The following TEX9 variants were observed in gnomAD, a reference collection of about 807,000 sequenced individuals.
TEX9 encodes testis-expressed protein 9.
TEX9 carries 74 observed loss-of-function variants against 59.6 expected under a neutral mutation model. The ratio of observed to expected loss-of-function variants is 1.24; its 90% CI spans 1.03 to 1.51. The LOEUF (loss-of-function observed/expected upper bound fraction) is 1.51. Among genes scored for constraint, TEX9 ranks in the 40% most tolerant of loss-of-function variants. The pLI is 0.00. For synonymous variants in TEX9, 186 were observed against 152.2 expected, an observed-to-expected ratio of 1.22 and a Z score of -1.64; for missense variants, 522 against 447.8, an observed-to-expected ratio of 1.17 and a Z score of -1.49.
intron 1 of TEX9, among the ~76,000 whole-genome samples, chr15:56,289,312 T>G (rs1179088128): frequency 6.6e-6 from 1 of 152,218 alleles, no homozygotes; most frequent in African/African-American, 2.4e-5. Flanking sequence ...CTTATTGTTT[T>G]ATGTTGATGT....
intron 12 of TEX9, among the ~76,000 whole-genome samples, chr15:56,435,617 C>G (rs570968341): frequency 1.3e-5 from 2 of 151,900 alleles, no homozygotes; most frequent in South Asian, 4.2e-4. Context: ...CCAAAACTCA[C>G]CAAATATGAA....
intron 10 of TEX9, among the ~76,000 whole-genome samples, chr15:56,426,257 C>CT (rs2050236632): frequency 6.6e-6 from 1 of 152,178 alleles, no homozygotes; most frequent in Non-Finnish European, 1.5e-5. Context: ...CAAGTCTACT[C>CT]TTTTCCCTCC....
At position 56,380,925 on chromosome 15, in the gene TEX9, G is replaced by A. The variant is rs567991215; in HGVS notation, c.184-3027G>A. ...CTTTTTTGGGTTAAATCTGCTTGGT[G>A]TTCTATAGTCTTCTTTTACTTGAAC... On this transcript the variant is annotated intron_variant, in intron 3 of 12. Coordinates refer to ENST00000352903, the Ensembl canonical transcript of TEX9. Among the ~76,000 whole-genome samples, 33 of 152,240 alleles carry A rather than the reference G, an allele frequency of 2.2e-4. No homozygotes were observed. The East Asian group carries it at 2.3e-3, about 11-fold the overall frequency.
chr15:56,269,941 C>T (rs1443708255), intron 1 of TEX9, among the ~76,000 whole-genome samples: 1 of 152,172 alleles, frequency 6.6e-6, no homozygotes, highest in East Asian at 1.9e-4. Flanking sequence ...CAGGCGTGAG[C>T]CACCGCGCCC....
chr15:56,408,343 AT>A (rs2049178215), intron 9 of TEX9: 1 of 152,184 alleles, frequency 6.6e-6, no homozygotes, highest in Admixed American at 6.5e-5. Context: ...GAAATAGTTG[AT>A]TACTCCTTCC....
intron 9 of TEX9, among the ~76,000 whole-genome samples, chr15:56,399,325 C>T (rs1161585990): frequency 1.6e-4 from 24 of 152,198 alleles, no homozygotes; most frequent in Admixed American, 1.1e-3. Context: ...CCTGGCTTGG[C>T]GGGTCACACA....
chr15:56,368,752 C>T (rs1305457369), intron 2 of TEX9, among the ~76,000 whole-genome samples: 1 of 152,096 alleles, frequency 6.6e-6, no homozygotes, highest in African/African-American at 2.4e-5. Context: ...ACCATGTACA[C>T]CCCTCCTTTT....
rs189739621 is a variant in TEX9 at position 56,388,538 on chromosome 15, C to G, written c.312+18C>G. ...AAACTAAGGTATGAAATCAAACTTT[C>G]TGTGAATGCAATTATATTCTGTAGA... is the stretch of plus-strand genomic sequence containing the variant. On this transcript the variant is annotated intron_variant, in intron 5 of 12. Coordinates refer to ENST00000352903, the Ensembl canonical transcript of TEX9. 5.3e-4 allele frequency: 854 copies of G among 1,603,850 alleles called. 5 individuals are homozygous for G. Among genetic ancestry groups the G allele is most frequent in the Middle Eastern group, 4.8e-3 (29 of 6,018 alleles).
At chr15:56,299,664 G>A (rs978690950) in intron 1 of TEX9, among the ~76,000 whole-genome samples, 1 of 152,158 alleles carries the variant, frequency 6.6e-6, no homozygotes, top group Non-Finnish European at 1.5e-5. Flanking sequence ...GAAGAGTAAA[G>A]AGGACTTTGT....
At chr15:56,387,719 G>T (rs12441182) in intron 4 of TEX9, among the ~76,000 whole-genome samples, 6,672 of 151,888 alleles carry the variant, frequency 0.044, 222 homozygotes, top group Admixed American at 0.087. Flanking sequence ...CTGTAAAGGG[G>T]CAGATAGCAA....
chr15:56,247,931 G>A (rs1313765988), intron 1 of TEX9, among the ~76,000 whole-genome samples: 1 of 152,176 alleles, frequency 6.6e-6, no homozygotes, highest in Non-Finnish European at 1.5e-5. Context: ...GCTGAAAGTA[G>A]AGTTTAATGA....
At chr15:56,350,264 C>A (rs1345764940) in intron 1 of TEX9, among the ~76,000 whole-genome samples, 1 of 151,944 alleles carries the variant, frequency 6.6e-6, no homozygotes, top group Non-Finnish European at 1.5e-5. Flanking sequence ...TTTTATGATT[C>A]CCTGTTGGCA....
At chr15:56,364,126 T>G (rs1416103218), upstream of TEX9, among the ~76,000 whole-genome samples, 1 of 152,146 alleles carries the variant, frequency 6.6e-6, no homozygotes, top group Non-Finnish European at 1.5e-5. Context: ...GTTTTGATAA[T>G]GTCTAGTTTA....
At chr15:56,374,187 T>C (rs1159517047) in intron 3 of TEX9, 4 of 152,058 alleles carry the variant, frequency 2.6e-5, no homozygotes, top group Non-Finnish European at 5.9e-5. Context: ...GGAAAATACT[T>C]GTACAAAAGG....
intron 1 of TEX9, among the ~76,000 whole-genome samples, chr15:56,316,167 C>T (rs1320950548): frequency 6.2e-5 from 9 of 144,650 alleles, no homozygotes; most frequent in South Asian, 2.3e-4. Context: ...AGTCATTCTC[C>T]ATCCAGCTTT....
chr15:56,343,807 A>C (rs748151126), intron 1 of TEX9, among the ~76,000 whole-genome samples: 1 of 152,178 alleles, frequency 6.6e-6, no homozygotes, highest in Non-Finnish European at 1.5e-5. Context: ...TAAATAACCT[A>C]TATTTAAAAG....
chr15:56,376,614 G>T (rs1451033971), intron 3 of TEX9, among the ~76,000 whole-genome samples: 1 of 151,948 alleles, frequency 6.6e-6, no homozygotes, highest in Non-Finnish European at 1.5e-5. Context: ...TAGATTATTA[G>T]ATTTTTTTTC....
At chr15:56,445,140 C>T (rs909863961) in intron 12 of TEX9, among the ~76,000 whole-genome samples, 1 of 151,994 alleles carries the variant, frequency 6.6e-6, no homozygotes. Flanking sequence ...TTAAGTTTCT[C>T]CTAGCCTAAA....
intron 1 of TEX9, among the ~76,000 whole-genome samples, chr15:56,279,742 A>C (rs1311383167): frequency 1.3e-5 from 2 of 152,212 alleles, no homozygotes; most frequent in African/African-American, 4.8e-5. Context: ...ATGTATTCAT[A>C]TTTTTGCCTT....
Sources: gnomAD v4.1 joint callset for allele counts (sites outside exome capture counted in the v4.1 genomes callset) on GRCh38, gnomAD v4.1.1 for gene constraint, MANE v1.5 for transcripts, NCBI Gene and HGNC (gene_info 2026-07-23, HGNC 2026-07-21) for gene names.